Variants in SGO2 observed in about 807,000 individuals in gnomAD.
SGO2 encodes shugoshin 2.
In SGO2, 68 loss-of-function variants were observed where a neutral mutation model predicts 99.5. The observed-to-expected ratio is 0.68, with a 90% CI of 0.56 to 0.84. SGO2 has a LOEUF of 0.84. Among genes scored for constraint, SGO2 ranks in the 40% least tolerant of loss-of-function variants. The pLI is 0.00. For synonymous variants in SGO2, 457 were observed against 487.1 expected (o/e 0.94, Z 0.81); for missense variants, 1,350 against 1,436.7 (o/e 0.94, Z 0.97).
Position 200,572,883 on chromosome 2 carries a change from C to T in SGO2, c.2537C>T (p.Pro846Leu). 1 of 1,593,486 alleles carries T rather than the reference C, an allele frequency of 6.3e-7. No homozygotes were observed. The highest frequency in any genetic ancestry group is 8.5e-7 in the Non-Finnish European group (1 of 1,173,520). Reference sequence around the variant, plus strand: ...AAAGATAACTTCTTCTCTCTAACCCCAAAGGATAAAGAAACAATTTCTGAA... The same window carrying T: ...AAAGATAACTTCTTCTCTCTAACCCTAAAGGATAAAGAAACAATTTCTGAA... ...LEKDNFFSLT[P>L]KDKETISENL... Residue 846 changes from proline (P) to leucine (L), a missense_variant, in exon 7 of 9, where the codon CCA becomes CTA. Pro to Leu is a moderately conservative substitution (Grantham distance 98). Coordinates refer to ENST00000357799, the MANE Select transcript of SGO2 (RefSeq NM_152524.6).
chr2:200,563,867 T>C (rs1201590435), intron 5 of SGO2, among the ~76,000 whole-genome samples: 2 of 152,264 alleles, frequency 1.3e-5, no homozygotes, highest in Non-Finnish European at 2.9e-5. Flanking sequence ...TAGTATTCTC[T>C]GATGGTAGTT....
At chr2:200,581,900 C>G (rs2033852615) in intron 8 of SGO2, among the ~76,000 whole-genome samples, 2 of 152,128 alleles carry the variant, frequency 1.3e-5, no homozygotes, top group African/African-American at 4.8e-5. Context: ...TAATTAAACT[C>G]TATCTAATTA....
Position 200,571,690 on chromosome 2 carries a change from C to T in SGO2, c.1344C>T (p.Pro448=), listed in dbSNP as rs781114196. 34 of 1,613,386 alleles carry T rather than the reference C, an allele frequency of 2.1e-5. No homozygotes were observed. The Admixed American group carries it at 3.3e-4, about 16-fold the overall frequency. The change falls in exon 7 of 9, where the codon CCC becomes CCT. Residue 448 remains proline (P), a synonymous_variant. Coordinates refer to ENST00000357799, the MANE Select transcript of SGO2 (RefSeq NM_152524.6). ...ATGGCAAAAGGGGTGCAGAAGATCCCGGTTTTATTTTCAATAATGAACAGC... is the reference window on the plus strand; with the variant it reads ...ATGGCAAAAGGGGTGCAGAAGATCCTGGTTTTATTTTCAATAATGAACAGC... The part of the protein sequence containing the change: ...VLDGKRGAED[P]GFIFNNEQLA...
chr2:200,576,414 A>G (rs543144392), intron 8 of SGO2, among the ~76,000 whole-genome samples: 8 of 152,078 alleles, frequency 5.3e-5, no homozygotes, highest in Admixed American at 4.6e-4. Context: ...CATCTCTACT[A>G]AAAATGCAAA....
chr2:200,560,768 C>T (rs1327998645), intron 5 of SGO2, among the ~76,000 whole-genome samples: 2 of 152,100 alleles, frequency 1.3e-5, no homozygotes, highest in African/African-American at 4.8e-5. Context: ...GTTATGCTGG[C>T]CTCATGGGAT....
chr2:200,576,223 TTTTC>T (rs201354490), intron 8 of SGO2: 3,810 of 224,842 alleles, frequency 0.017, 161 homozygotes, highest in African/African-American at 0.086. Flanking sequence ...GGCCTTTTTT[TTTTC>T]TTTTTTCTTT....
In SGO2 at chr2:200,573,331, G is replaced by A. The variant is rs762298346; in HGVS notation, c.2985G>A (p.Lys995=). ...KRKKESSCKA[K]NILTKAKNKL... Reference sequence around the variant, plus strand: ...AGAAAGAATCATCATGCAAGGCAAAGAACATTTTGACAAAAGCTAAGAACA... The same window carrying A: ...AGAAAGAATCATCATGCAAGGCAAAAAACATTTTGACAAAAGCTAAGAACA... Residue 995 remains lysine (K), a synonymous_variant, in exon 7 of 9, where the codon AAG becomes AAA. Coordinates refer to ENST00000357799, the MANE Select transcript of SGO2 (RefSeq NM_152524.6). 3 of 1,604,960 alleles carry A rather than the reference G, an allele frequency of 1.9e-6. No homozygotes were observed. The highest frequency in any genetic ancestry group is 2.5e-6 in the Non-Finnish European group (3 of 1,177,396).
intron 5 of SGO2, among the ~76,000 whole-genome samples, chr2:200,544,564 G>A (rs765990774): frequency 9.9e-5 from 15 of 152,188 alleles, no homozygotes; most frequent in Non-Finnish European, 1.9e-4. Context: ...TTACAAGCAT[G>A]AGCCACCACA....
At chr2:200,558,725 A>ATT (rs199948791) in intron 5 of SGO2, among the ~76,000 whole-genome samples, 24 of 95,756 alleles carry the variant, frequency 2.5e-4, no homozygotes, top group Non-Finnish European at 4.0e-4. Context: ...TTTGTGTAGG[A>ATT]TTTTTTTTTT....
intron 5 of SGO2, among the ~76,000 whole-genome samples, chr2:200,559,834 T>C (rs568992808): frequency 1.1e-4 from 16 of 152,340 alleles, no homozygotes; most frequent in South Asian, 6.2e-4. Flanking sequence ...ATTTCTAAGC[T>C]GATGGGTATT....
chr2:200,571,131 G>A lies in SGO2; in HGVS notation c.785G>A (p.Trp262Ter). 2 of 1,613,572 alleles carry A rather than the reference G, an allele frequency of 1.2e-6. No individual in the cohort carries two copies. The highest frequency in any genetic ancestry group is 1.7e-6 in the Non-Finnish European group (2 of 1,179,614). ...AACGCCCAGTCTATTGGCCGCAGAT[G>A]GGAGAAACCATCTCCTAGTAATGTG... The part of the protein sequence containing the change: ...MRNAQSIGRR[W>*]EKPSPSNVTE... Residue 262 changes from tryptophan (W) to a stop codon, truncating the protein, a stop_gained, in exon 7 of 9, where the codon TGG (tryptophan) becomes TAG (stop). Coordinates refer to ENST00000357799, the MANE Select transcript of SGO2 (RefSeq NM_152524.6). LOFTEE classifies it high-confidence loss of function.
intron 4 of SGO2, among the ~76,000 whole-genome samples, chr2:200,540,074 ATTTG>A (rs1216905024): frequency 6.7e-6 from 1 of 150,122 alleles, no homozygotes; most frequent in Non-Finnish European, 1.5e-5. Context: ...CTTTGTATCT[ATTTG>A]TTTGCTGAGA....
chr2:200,561,314 A>C (rs529371963), intron 5 of SGO2, among the ~76,000 whole-genome samples: 1 of 152,086 alleles, frequency 6.6e-6, no homozygotes, highest in Admixed American at 6.5e-5. Context: ...CTGTCCTTGC[A>C]ATAGTTTGCT....
Position 200,573,437 on chromosome 2 carries a change from G to A in SGO2, c.3091G>A (p.Asp1031Asn). ...TTTAAAACATATTACTAGTGAAGCA[G>A]ATTCTGATCCAGGAAACCCAGTTGA... The part of the protein sequence containing the change: ...SDLKHITSEA[D>N]SDPGNPVELC... The change falls in exon 7 of 9, where the codon GAT (aspartate) becomes AAT (asparagine). Residue 1031 changes from aspartate (D) to asparagine (N), a missense_variant. By Grantham distance (23) the Asp-to-Asn change is conservative. Coordinates refer to ENST00000357799, the MANE Select transcript of SGO2 (RefSeq NM_152524.6). 1 of 1,609,550 alleles carries A rather than the reference G, an allele frequency of 6.2e-7. No homozygotes were observed. The highest frequency in any genetic ancestry group is 1.1e-5 in the South Asian group (1 of 89,704).
At chr2:200,549,114 T>G (rs548380744) in intron 5 of SGO2, among the ~76,000 whole-genome samples, 1 of 151,974 alleles carries the variant, frequency 6.6e-6, no homozygotes, top group African/African-American at 2.4e-5. Context: ...ATTAGCTGGG[T>G]ATGGTGGCTA....
At chr2:200,529,721 T>G (rs1287731104) in intron 1 of SGO2, among the ~76,000 whole-genome samples, 1 of 152,028 alleles carries the variant, frequency 6.6e-6, no homozygotes, top group Non-Finnish European at 1.5e-5. Flanking sequence ...TAGAGACGGG[T>G]TTCACCATGT....
rs1212396345 is a variant in SGO2, at chr2:200,572,097, A to G, written c.1751A>G (p.Tyr584Cys). The G allele has an allele frequency of 2.5e-6, 4 of 1,613,436 alleles. No homozygotes were observed. Among genetic ancestry groups the G allele is most frequent in the Middle Eastern group, 3.3e-4 (2 of 6,062 alleles). ...STKDNGNLCD[Y>C]GTHNILDLKK... is the part of the protein sequence containing the mutation. ...AAAGATAATGGAAATTTATGTGATT[A>G]TGGGACCCACAATATATTGGATTTG... Residue 584 changes from tyrosine to cysteine, a missense_variant, in exon 7 of 9, where the codon TAT (tyrosine) becomes TGT (cysteine). Tyr to Cys is a radical substitution (Grantham distance 194). Coordinates refer to ENST00000357799, the MANE Select transcript of SGO2 (RefSeq NM_152524.6).
rs371464356 is a variant in SGO2, at chr2:200,532,949, A to G, written c.-2-25A>G. 1.4e-5 allele frequency: 23 copies of G among 1,595,806 alleles called. No individual in the cohort carries two copies. The African/African-American group carries it at 1.8e-4, about 12-fold the overall frequency. On this transcript the variant is annotated intron_variant, in intron 1 of 8. Transcript: ENST00000357799. ...ACTTTTTCTTTTATTAATCAATACT[A>G]TGATTTTTTTTTCTTTCACTTCAGT...
At chr2:200,554,083 A>T (rs2032604297) in intron 5 of SGO2, among the ~76,000 whole-genome samples, 1 of 152,202 alleles carries the variant, frequency 6.6e-6, no homozygotes, top group South Asian at 2.1e-4. Flanking sequence ...TATTGTACTT[A>T]TACAAACAAC....
Sources: allele counts gnomAD v4.1 joint callset (sites outside exome capture counted in the v4.1 genomes callset), GRCh38; gene constraint gnomAD v4.1.1; transcripts MANE v1.5; gene names NCBI Gene and HGNC (gene_info 2026-07-23, HGNC 2026-07-21).